The following BASP1 variants were observed in gnomAD, a reference collection of about 807,000 sequenced individuals.
The protein encoded by BASP1 is brain acid soluble protein 1.
A neutral mutation model predicts 2.2 loss-of-function variants in BASP1; 1 was observed. That is an observed-to-expected ratio of 0.46 (90% CI 0.16 to 2.17). The LOEUF (loss-of-function observed/expected upper bound fraction) is 2.17. BASP1 is among the 30% of genes most tolerant of loss of function. BASP1 has a pLI of 0.27. For missense variants in BASP1, 352 were observed against 327.2 expected (o/e 1.08, Z -0.58); for synonymous variants, 187 against 154.2 (o/e 1.21, Z -1.58).
intron 1 of BASP1, among the ~76,000 whole-genome samples, chr5:17,218,942 C>T (rs937105228): frequency 2.4e-4 from 37 of 152,116 alleles, no homozygotes; most frequent in African/African-American, 8.7e-4. Context: ...GTAATTCTCA[C>T]TCTGCTGAAA....
At chr5:17,250,212 G>A (rs1161618345) in intron 1 of BASP1, among the ~76,000 whole-genome samples, 1 of 152,176 alleles carries the variant, frequency 6.6e-6, no homozygotes, top group Non-Finnish European at 1.5e-5. Flanking sequence ...CTCCCAAAGT[G>A]CTGGGATGAT....
intron 1 of BASP1, among the ~76,000 whole-genome samples, chr5:17,237,734 C>T (rs1309291975): frequency 6.6e-6 from 1 of 151,844 alleles, no homozygotes; most frequent in East Asian, 1.9e-4. Flanking sequence ...CCTCCACCTC[C>T]CGAGTAGCTG....
chr5:17,270,063 C>T (rs536581666), intron 1 of BASP1, among the ~76,000 whole-genome samples: 7 of 152,198 alleles, frequency 4.6e-5, no homozygotes, highest in East Asian at 1.9e-4. Flanking sequence ...TGCAATTGTG[C>T]GATCTCGGCT....
chr5:17,275,822 C>T lies in BASP1; in HGVS notation c.606C>T (p.Pro202=), dbSNP rs918346436. ...GTTCCACACCCAAGGCCCAGGGCCC[C>T]GCAGCCTCTGCAGAAGAGCCCAAGC... ...APSSTPKAQG[P]AASAEEPKPV... Residue 202 remains proline (P), a synonymous_variant, in exon 2 of 2, where the codon CCC becomes CCT. Coordinates refer to ENST00000322611, the MANE Select transcript of BASP1 (RefSeq NM_006317.5). The surrounding 1 kb of genome is among the most constrained non-coding windows in gnomAD (Gnocchi z 5.3). The T allele has an allele frequency of 3.7e-6, 6 of 1,611,808 alleles. No homozygotes were observed. The highest frequency in any genetic ancestry group is 1.6e-4 in the Middle Eastern group (1 of 6,066).
chr5:17,275,625 G>A lies in BASP1; in HGVS notation c.409G>A (p.Ala137Thr), dbSNP rs971594879. 1.3e-6 allele frequency: 2 copies of A among 1,485,196 alleles called. No homozygotes were observed. The highest frequency in any genetic ancestry group is 1.8e-6 in the Non-Finnish European group (2 of 1,120,584). The allele number at this position is 1,485,196 out of a possible 1,614,324, so 92.0% of individuals were successfully genotyped here. The change falls in exon 2 of 2, where the codon GCC (alanine) becomes ACC (threonine). Residue 137 changes from alanine to threonine, a missense_variant. Transcript: ENST00000322611. The surrounding 1 kb of genome is among the most constrained non-coding windows in gnomAD (Gnocchi z 5.3). ...CCCGGCCGAGAGCGCGGCCCCTGCC[G>A]CCGGGGAGGAGCCCAGCAAGGAGGA... ...AAPAESAAPA[A>T]GEEPSKEEGE...
intron 1 of BASP1, among the ~76,000 whole-genome samples, chr5:17,227,434 C>T (rs1045823655): frequency 6.6e-6 from 1 of 151,622 alleles, no homozygotes; most frequent in African/African-American, 2.4e-5. Flanking sequence ...CAGAGTCTCG[C>T]CGTGTCGCCC....
chr5:17,228,015 A>G (rs995055075), intron 1 of BASP1, among the ~76,000 whole-genome samples: 1 of 152,262 alleles, frequency 6.6e-6, no homozygotes, highest in Non-Finnish European at 1.5e-5. Flanking sequence ...TGTTAAGACA[A>G]GATTGATAAT....
intron 1 of BASP1, among the ~76,000 whole-genome samples, chr5:17,219,930 G>A (rs1314557281): frequency 2.6e-5 from 4 of 152,178 alleles, no homozygotes; most frequent in Admixed American, 6.5e-5. Context: ...CCTAACAGAA[G>A]CCATGATATA....
At chr5:17,270,074 C>T (rs62348044) in intron 1 of BASP1, among the ~76,000 whole-genome samples, 46,110 of 151,988 alleles carry the variant, frequency 0.3, 7,934 homozygotes, top group Non-Finnish European at 0.38. Context: ...GATCTCGGCT[C>T]ACCGCAACCT....
intron 1 of BASP1, among the ~76,000 whole-genome samples, chr5:17,237,912 CCT>C (rs1167612545): frequency 1.3e-5 from 2 of 152,098 alleles, no homozygotes; most frequent in African/African-American, 4.8e-5. Flanking sequence ...TGTCCGGCCC[CCT>C]GACATTGCTT....
At chr5:17,262,790 CACTT>C (rs1740341699) in intron 1 of BASP1, among the ~76,000 whole-genome samples, 1 of 151,956 alleles carries the variant, frequency 6.6e-6, no homozygotes, top group South Asian at 2.1e-4. Context: ...GCTCTTCACT[CACTT>C]ATGTTCCCTG....
intron 1 of BASP1, among the ~76,000 whole-genome samples, chr5:17,235,392 C>G (rs1369172294): frequency 6.6e-6 from 1 of 151,818 alleles, no homozygotes; most frequent in African/African-American, 2.4e-5. Flanking sequence ...TCCCGAGTAG[C>G]TGGGATTACA....
chr5:17,263,110 G>A (rs1178893027), intron 1 of BASP1, among the ~76,000 whole-genome samples: 4 of 152,156 alleles, frequency 2.6e-5, no homozygotes, highest in African/African-American at 9.7e-5. Flanking sequence ...GCCTCTCAAA[G>A]TGCTGGGATT....
intron 1 of BASP1, among the ~76,000 whole-genome samples, chr5:17,266,390 C>CT (rs1216850567): frequency 1.3e-5 from 2 of 152,160 alleles, no homozygotes; most frequent in Non-Finnish European, 2.9e-5. Flanking sequence ...TCTGTTCTGT[C>CT]TCCCTCCCTC....
intron 1 of BASP1, among the ~76,000 whole-genome samples, chr5:17,231,098 A>G (rs1457871659): frequency 6.6e-6 from 1 of 152,190 alleles, no homozygotes; most frequent in African/African-American, 2.4e-5. Flanking sequence ...TTTTATAACA[A>G]CTTTCACTGA....
chr5:17,226,810 T>G (rs904104340), intron 1 of BASP1, among the ~76,000 whole-genome samples: 6 of 152,232 alleles, frequency 3.9e-5, no homozygotes, highest in Non-Finnish European at 1.5e-5. Flanking sequence ...TCCCACTCCT[T>G]AATTCTGCAA....
rs568977509 is a variant in BASP1, at chr5:17,230,847, C to A, written c.-10+13037C>A. ...CCTCCCAAAGTGCTGGGATTACAGG[C>A]CACTGCGCCCAGCCCGAGAGGGTCT... On this transcript the variant is annotated intron_variant, in intron 1 of 1. Coordinates refer to ENST00000322611, the MANE Select transcript of BASP1 (RefSeq NM_006317.5). Among the ~76,000 whole-genome samples the A allele has an allele frequency of 1.6e-4, 25 of 152,236 alleles. No homozygotes were observed. In the East Asian group the frequency reaches 4.8e-3, roughly 29 times the overall value.
At chr5:17,225,019 G>T (rs1221026192) in intron 1 of BASP1, among the ~76,000 whole-genome samples, 1 of 152,188 alleles carries the variant, frequency 6.6e-6, no homozygotes, top group Non-Finnish European at 1.5e-5. Context: ...TGGAGCAGAA[G>T]GTTTAAAAGC....
rs114587986 is a variant in BASP1 at position 17,270,381 on chromosome 5, G to C, written c.-9-4827G>C. ...TAACTAATCTTTGGTTTTTATCTCT[G>C]TGTAGAAACTGATTTCTTGGCAGAA... is the stretch of plus-strand genomic sequence containing the variant. On this transcript the variant is annotated intron_variant, in intron 1 of 1. Coordinates refer to ENST00000322611, the MANE Select transcript of BASP1 (RefSeq NM_006317.5). Among the ~76,000 whole-genome samples the C allele has an allele frequency of 7.5e-3, 1,141 of 152,296 alleles. 16 individuals carry two copies. The highest frequency in any genetic ancestry group is 0.026 in the African/African-American group (1,070 of 41,548).
Sources: gnomAD v4.1 joint callset for allele counts (sites outside exome capture counted in the v4.1 genomes callset) on GRCh38, gnomAD v4.1.1 for gene constraint, Gnocchi (gnomAD v3.1) non-coding constraint, MANE v1.5 for transcripts, NCBI Gene and HGNC (gene_info 2026-07-23, HGNC 2026-07-21) for gene names.